Variants in ZNF106 observed in about 807,000 individuals in gnomAD.
The protein encoded by ZNF106 is zinc finger protein 106.
ZNF106 carries 67 observed loss-of-function variants against 195.1 expected under a neutral mutation model. The ratio of observed to expected loss-of-function variants is 0.34; its 90% confidence interval spans 0.28 to 0.42. The LOEUF is 0.42. ZNF106 is among the 10% of genes least tolerant of loss of function. The pLI is 1.00. For synonymous variants in ZNF106, 784 were observed against 818.6 expected (o/e 0.96, Z 0.72); for missense variants, 2,118 against 2,304.5 (o/e 0.92, Z 1.66).
intron 20 of ZNF106, among the ~76,000 whole-genome samples, chr15:42,419,674 G>A (rs142876561): frequency 0.013 from 1,990 of 152,268 alleles, 51 homozygotes; most frequent in African/African-American, 0.046. Flanking sequence ...AATGCAGGCC[G>A]GGCACTGTGG....
At chr15:42,426,081 T>C (rs2054846502) in intron 15 of ZNF106, among the ~76,000 whole-genome samples, 1 of 152,178 alleles carries the variant, frequency 6.6e-6, no homozygotes, top group Admixed American at 6.5e-5. Flanking sequence ...GAGCAATGAT[T>C]TCAACAGTGT....
At chr15:42,477,274 CTTTT>C in intron 1 of ZNF106, among the ~76,000 whole-genome samples, 1 of 152,154 alleles carries the variant, frequency 6.6e-6, no homozygotes, top group Non-Finnish European at 1.5e-5. Context: ...GTCTTTAGGC[CTTTT>C]TTCTTTTCCA....
intron 14 of ZNF106, among the ~76,000 whole-genome samples, chr15:42,431,601 C>T (rs934622992): frequency 3.2e-4 from 48 of 151,622 alleles, no homozygotes; most frequent in Admixed American, 2.0e-4. Context: ...TTTTTTGAGA[C>T]GGAGTTTACT....
chr15:42,446,664 A>G lies in ZNF106; in HGVS notation c.3136-6T>C. The G allele has an allele frequency of 1.3e-6, 2 of 1,594,918 alleles. No individual in the cohort carries two copies. Among genetic ancestry groups the G allele is most frequent in the Non-Finnish European group, 1.7e-6 (2 of 1,170,296 alleles). On this transcript the variant is annotated splice_polypyrimidine_tract_variant and splice_region_variant and intron_variant, in intron 6 of 21. Coordinates refer to ENST00000564754, the MANE Select transcript of ZNF106 (RefSeq NM_001366845.3). ...AGTTCAGGAGAAGATCCATCCTGGA[A>G]GGATAAAGAAAACTGAATAAAATCC...
At chr15:42,475,135 G>C (rs1362308818) in intron 1 of ZNF106, among the ~76,000 whole-genome samples, 1 of 152,136 alleles carries the variant, frequency 6.6e-6, no homozygotes, top group Non-Finnish European at 1.5e-5. Context: ...TAATATTACT[G>C]AATGCCTAAA....
chr15:42,449,925 T>TA lies in ZNF106; in HGVS notation c.2346dup (p.Ile783TyrfsTer2), dbSNP rs2055927767. ...GTCTCACTCTTTCGGTGACCGCTAA[T>TA]ATTGCGAATGCGGCGGGCACTATTG... is the stretch of plus-strand genomic sequence containing the variant. On this transcript the variant is annotated frameshift_variant, in exon 5 of 22. Transcript: ENST00000564754. LOFTEE classifies it high-confidence loss of function. 1 of 1,614,180 alleles carries TA rather than the reference T, an allele frequency of 6.2e-7. No homozygotes were observed. The highest frequency in any genetic ancestry group is 8.5e-7 in the Non-Finnish European group (1 of 1,180,038).
chr15:42,485,663 T>C (rs946110792), intron 1 of ZNF106, among the ~76,000 whole-genome samples: 1 of 152,134 alleles, frequency 6.6e-6, no homozygotes, highest in Non-Finnish European at 1.5e-5. Flanking sequence ...CTGCTTAGGA[T>C]AGGCTCTGAC....
intron 2 of ZNF106, among the ~76,000 whole-genome samples, chr15:42,466,928 A>G (rs1251578026): frequency 2.6e-5 from 4 of 151,950 alleles, no homozygotes; most frequent in African/African-American, 9.7e-5. Context: ...AAGTCAGGAG[A>G]TCGAGACCAT....
chr15:42,439,273 C>T lies in ZNF106; in HGVS notation c.4304G>A (p.Ser1435Asn), dbSNP rs944860331. The change falls in exon 11 of 22, where the codon AGT becomes AAT. Residue 1435 changes from serine (S) to asparagine (N), a missense_variant. By Grantham distance (46) the Ser-to-Asn change is conservative. Coordinates refer to ENST00000564754, the MANE Select transcript of ZNF106 (RefSeq NM_001366845.3). ...EDSRTGREQE[S>N]VRDEPDSDSS... ...GTCACTATCTGGCTCATCTCTGACA[C>T]TCTCCTGCTCCCGACCAGTCCTGCT... The T allele has an allele frequency of 1.6e-5, 26 of 1,614,068 alleles. No homozygotes were observed. The highest frequency in any genetic ancestry group is 1.6e-4 in the East Asian group (7 of 44,900).
At chr15:42,433,748 T>C (rs949495844) in intron 14 of ZNF106, among the ~76,000 whole-genome samples, 2 of 152,174 alleles carry the variant, frequency 1.3e-5, no homozygotes, top group African/African-American at 4.8e-5. Context: ...TTTTAGTAAT[T>C]ACTCTAGGGC....
intron 1 of ZNF106, among the ~76,000 whole-genome samples, chr15:42,476,724 A>G (rs1451068994): frequency 1.3e-5 from 2 of 152,074 alleles, no homozygotes; most frequent in African/African-American, 4.8e-5. Flanking sequence ...ACCGAGGAGG[A>G]AGCAGCGGAG....
intron 2 of ZNF106, among the ~76,000 whole-genome samples, chr15:42,471,820 C>A (rs992240067): frequency 6.6e-6 from 1 of 152,218 alleles, no homozygotes; most frequent in African/African-American, 2.4e-5. Context: ...GCATTTTTCA[C>A]AAGCATAGGC....
intron 14 of ZNF106, 118 bp from the exon 15 acceptor site, chr15:42,428,252 C>A (rs1438118386): frequency 2.7e-6 from 2 of 735,936 alleles, no homozygotes; most frequent in Admixed American, 4.8e-5. Context: ...GTGTGACATC[C>A]TCTATTTTGT....
intron 3 of ZNF106, among the ~76,000 whole-genome samples, chr15:42,458,779 G>A (rs2056311802): frequency 6.6e-6 from 1 of 151,236 alleles, no homozygotes; most frequent in African/African-American, 2.4e-5. Flanking sequence ...CTGTTTTTTG[G>A]TAAGGTGTTT....
rs1406403319 is a variant in ZNF106, at chr15:42,449,751, C to T, written c.2501+20G>A. On this transcript the variant is annotated intron_variant, in intron 5 of 21. Coordinates refer to ENST00000564754, the MANE Select transcript of ZNF106 (RefSeq NM_001366845.3). ...TAAAAGAAAGTGAGGAAAAAAAAGA[C>T]ACCGAAAAGCAGCACACACCTGGGT... 1.9e-6 allele frequency: 3 copies of T among 1,576,442 alleles called. No homozygotes were observed. The highest frequency in any genetic ancestry group is 4.5e-5 in the East Asian group (2 of 44,450).
chr15:42,485,123 TG>T (rs1163337681), intron 1 of ZNF106, among the ~76,000 whole-genome samples: 5 of 152,122 alleles, frequency 3.3e-5, no homozygotes, highest in Non-Finnish European at 7.4e-5. Flanking sequence ...CACTCCAGCC[TG>T]GGGGGTCAGA....
chr15:42,437,988 T>C (rs1339407557), intron 12 of ZNF106, among the ~76,000 whole-genome samples: 1 of 152,120 alleles, frequency 6.6e-6, no homozygotes, highest in African/African-American at 2.4e-5. Flanking sequence ...GTTATTTCTT[T>C]GAGTAATGTA....
intron 10 of ZNF106, 77 bp from the exon 11 acceptor site, chr15:42,439,890 A>G (rs570098456): frequency 1.4e-6 from 2 of 1,394,306 alleles, no homozygotes; most frequent in South Asian, 1.5e-5. Context: ...ACTCTACCAA[A>G]TATTTCAATG....
In ZNF106 at chr15:42,451,377, C is replaced by T. The variant is rs377551912; in HGVS notation, c.895G>A (p.Asp299Asn). ...TCTTGCCGCTGCCAATTATATCTGT[C>T]GTGACTGTATTTGTTTGACTTATTA... The part of the protein sequence containing the change: ...KSNKSNKYSH[D>N]RYNWQRQEND... Residue 299 changes from aspartate to asparagine, a missense_variant, in exon 5 of 22, where the codon GAC becomes AAC. Asp to Asn is a conservative substitution (Grantham distance 23). Transcript: ENST00000564754. 1.2e-5 allele frequency: 19 copies of T among 1,613,956 alleles called. No individual in the cohort carries two copies. The highest frequency in any genetic ancestry group is 5.5e-5 in the South Asian group (5 of 91,062).
Sources: gnomAD v4.1 joint callset for allele counts (sites outside exome capture counted in the v4.1 genomes callset) on GRCh38, gnomAD v4.1.1 for gene constraint, MANE v1.5 for transcripts, NCBI Gene and HGNC (gene_info 2026-07-23, HGNC 2026-07-21) for gene names.